NOL4L: variants seen among roughly 807,000 people sequenced by gnomAD.
The protein encoded by NOL4L is nucleolar protein 4 like, also known as nucleolar protein 4-like.
A neutral mutation model predicts 64.5 loss-of-function variants in NOL4L; 7 were observed. That is an observed-to-expected ratio of 0.11 (90% CI 0.06 to 0.20). The LOEUF (loss-of-function observed/expected upper bound fraction) is 0.20. NOL4L is among the 10% of genes least tolerant of loss of function. The probability of loss-of-function intolerance (pLI) is 1.00; values close to 1 mark genes in which losing one functional copy is unlikely to be tolerated. For synonymous variants in NOL4L, 413 were observed against 401.0 expected, an observed-to-expected ratio of 1.03 and a Z score of -0.36; for missense variants, 680 against 967.1, an observed-to-expected ratio of 0.70 and a Z score of 3.94.
rs1257738636 is a variant in NOL4L, at chr20:32,460,807, C to T, written c.842-4412G>A. ...GGGGGCAACTGCCACCCTCGGAGCT[C>T]ATGCTCCAGCAGCGACAAATCAAAC... On this transcript the variant is annotated intron_variant, in intron 5 of 10. Coordinates refer to ENST00000621426, the MANE Select transcript of NOL4L (RefSeq NM_001256798.2). This position sits in a 1 kb window ranked among gnomAD's most constrained non-coding sequence, Gnocchi z 5.7. 6.6e-6 allele frequency among the ~76,000 whole-genome samples: 1 copy of T among 152,210 alleles called. No individual in the cohort carries two copies. The highest frequency in any genetic ancestry group is 1.5e-5 in the Non-Finnish European group (1 of 68,032).
chr20:32,554,689 T>G (rs182687155), intron 1 of NOL4L, among the ~76,000 whole-genome samples: 1 of 152,246 alleles, frequency 6.6e-6, no homozygotes, highest in Non-Finnish European at 1.5e-5. Flanking sequence ...CCAGAGGGCC[T>G]TGATGAGTCA....
intron 10 of NOL4L, among the ~76,000 whole-genome samples, chr20:32,450,823 T>C (rs1444735017): frequency 1.3e-5 from 2 of 152,154 alleles, no homozygotes; most frequent in Non-Finnish European, 2.9e-5. Context: ...GGAGCCCGCC[T>C]AGGACAGCCA....
chr20:32,520,010 G>C (rs2017856416), intron 3 of NOL4L: 1 of 152,176 alleles, frequency 6.6e-6, no homozygotes, highest in Non-Finnish European at 1.5e-5. Flanking sequence ...AGTCGGCCGG[G>C]TGCAGATTAC....
At chr20:32,548,066 G>A (rs2018754237) in intron 1 of NOL4L, among the ~76,000 whole-genome samples, 1 of 152,108 alleles carries the variant, frequency 6.6e-6, no homozygotes, top group Admixed American at 6.5e-5. Flanking sequence ...GACAATAATA[G>A]CCAATGTGTA....
intron 4 of NOL4L, among the ~76,000 whole-genome samples, chr20:32,504,351 T>C (rs1321567689): frequency 6.6e-6 from 1 of 151,852 alleles, no homozygotes; most frequent in Non-Finnish European, 1.5e-5. Flanking sequence ...ACGAGGTCAG[T>C]AGATCGAGAC....
intron 5 of NOL4L, among the ~76,000 whole-genome samples, chr20:32,470,899 C>G (rs2014962798): frequency 6.6e-6 from 1 of 152,246 alleles, no homozygotes; most frequent in Non-Finnish European, 1.5e-5. Flanking sequence ...CTCCCCAACT[C>G]TGGCTGAGTT....
intron 3 of NOL4L, among the ~76,000 whole-genome samples, chr20:32,516,062 T>A (rs1384968310): frequency 1.3e-5 from 2 of 152,156 alleles, no homozygotes; most frequent in African/African-American, 4.8e-5. Flanking sequence ...GACCCTCATT[T>A]CCTCGTGGGA....
chr20:32,461,661 A>C (rs1223564353), intron 5 of NOL4L, among the ~76,000 whole-genome samples: 3 of 150,900 alleles, frequency 2.0e-5, no homozygotes, highest in African/African-American at 7.3e-5. Flanking sequence ...TGACCTCGTG[A>C]TCCACCCACC....
intron 4 of NOL4L, among the ~76,000 whole-genome samples, chr20:32,500,269 T>C (rs1018373566): frequency 6.6e-6 from 1 of 152,086 alleles, no homozygotes; most frequent in East Asian, 1.9e-4. Flanking sequence ...AGGCTGGTCT[T>C]GAACTCCTGA....
intron 4 of NOL4L, among the ~76,000 whole-genome samples, chr20:32,478,334 G>A (rs1206462711): frequency 6.6e-6 from 1 of 151,772 alleles, no homozygotes; most frequent in African/African-American, 2.4e-5. Flanking sequence ...CACATTTATT[G>A]AGCATCTACT....
At chr20:32,491,373 G>C (rs900470063) in intron 4 of NOL4L, among the ~76,000 whole-genome samples, 3 of 152,316 alleles carry the variant, frequency 2.0e-5, no homozygotes, top group Non-Finnish European at 2.9e-5. Flanking sequence ...AGGTGCCTGG[G>C]CTGTCAACAA....
At chr20:32,521,466 C>T (rs1304571893) in intron 2 of NOL4L, among the ~76,000 whole-genome samples, 2 of 152,158 alleles carry the variant, frequency 1.3e-5, no homozygotes, top group Admixed American at 1.3e-4. Flanking sequence ...CTCTGCAGGA[C>T]CCCCATGTTC....
chr20:32,577,213 A>G (rs1475416903), intron 1 of NOL4L, among the ~76,000 whole-genome samples: 1 of 152,190 alleles, frequency 6.6e-6, no homozygotes, highest in Admixed American at 6.5e-5. Flanking sequence ...TACGCCAGCC[A>G]TTGTGTGTTC....
intron 1 of NOL4L, among the ~76,000 whole-genome samples, chr20:32,533,076 A>G (rs1192156489): frequency 1.3e-5 from 2 of 152,212 alleles, no homozygotes; most frequent in Non-Finnish European, 2.9e-5. Context: ...ACTTGAGCCC[A>G]GGGGTTTGAG....
chr20:32,474,626 C>T lies in NOL4L; in HGVS notation c.816G>A (p.Pro272=), dbSNP rs758993804. The T allele has an allele frequency of 4.3e-6, 7 of 1,612,806 alleles. No homozygotes were observed. The highest frequency in any genetic ancestry group is 1.7e-6 in the Non-Finnish European group (2 of 1,179,646). The change falls in exon 5 of 11, where the codon CCG becomes CCA. Residue 272 remains proline (P), a synonymous_variant. Coordinates refer to ENST00000621426, the MANE Select transcript of NOL4L (RefSeq NM_001256798.2). ...SPSQDERMRS[P]QNLHSQEDDD... ...CGTCCTCTTGACTGTGGAGGTTCTGCGGGCTCCGCATCCTCTCGTCCTGGC... is the reference window on the plus strand; with the variant it reads ...CGTCCTCTTGACTGTGGAGGTTCTGTGGGCTCCGCATCCTCTCGTCCTGGC...
In NOL4L at chr20:32,453,891, G is replaced by A. The variant is rs2013197067; in HGVS notation, c.1120-130C>T. 1.5e-5 allele frequency: 12 copies of A among 795,240 alleles called. No homozygotes were observed. The highest frequency in any genetic ancestry group is 1.0e-4 in the South Asian group (6 of 58,600). The allele number at this position is 795,240 out of a possible 1,614,324, so 49.3% of individuals were successfully genotyped here. A position where few individuals can be genotyped will look rare whatever the true frequency, so the allele number is the denominator to read the frequency against. On this transcript the variant is annotated intron_variant, in intron 6 of 10. Transcript: ENST00000621426. The surrounding 1 kb of genome is among the most constrained non-coding windows in gnomAD (Gnocchi z 5.6). ...CTGCTGCCACGAGAGCCATAGCTGC[G>A]AGGCCCTGAGCAAGTCACTCCCCTC...
intron 1 of NOL4L, among the ~76,000 whole-genome samples, chr20:32,541,008 T>TAGACACACACACAC (rs2018645153): frequency 7.5e-6 from 1 of 133,516 alleles, no homozygotes. Flanking sequence ...CGCCACCCCC[T>TAGACACACACACAC]ACACACACAC....
chr20:32,511,216 T>C (rs2017388493), intron 4 of NOL4L, 131 bp downstream of exon 4: 1 of 611,462 alleles, frequency 1.6e-6, no homozygotes, highest in Non-Finnish European at 2.9e-6. Flanking sequence ...ACAACCCAGA[T>C]AACCAGATAA....
rs368992826 is a variant in NOL4L at position 32,491,429 on chromosome 20, C to T, written c.700-16687G>A. On this transcript the variant is annotated intron_variant, in intron 4 of 10. Coordinates refer to ENST00000621426, the MANE Select transcript of NOL4L (RefSeq NM_001256798.2). ...AAATCAAGATCCCTCCACAGACTGCCGCCCAGCTGGCTCTGAACTGACGCG... is the reference window on the plus strand; with the variant it reads ...AAATCAAGATCCCTCCACAGACTGCTGCCCAGCTGGCTCTGAACTGACGCG... Among the ~76,000 whole-genome samples the T allele has an allele frequency of 5.9e-5, 9 of 152,332 alleles. No homozygotes were observed. The East Asian group carries it at 1.2e-3, about 20-fold the overall frequency.
Sources: gnomAD v4.1 joint callset for allele counts (sites outside exome capture counted in the v4.1 genomes callset) on GRCh38, gnomAD v4.1.1 for gene constraint, Gnocchi (gnomAD v3.1) non-coding constraint, MANE v1.5 for transcripts, NCBI Gene and HGNC (gene_info 2026-07-23, HGNC 2026-07-21) for gene names.